TDRD3: variants seen among roughly 807,000 people sequenced by gnomAD.
The protein encoded by TDRD3 is tudor domain-containing protein 3.
A neutral mutation model predicts 86.7 loss-of-function variants in TDRD3; 45 were observed. The observed-to-expected ratio is 0.52, with a 90% CI of 0.41 to 0.67. TDRD3 has a LOEUF of 0.67. TDRD3 is among the 30% of genes least tolerant of loss of function. The probability of loss-of-function intolerance (pLI) is 0.00; values close to 1 mark genes in which losing one functional copy is unlikely to be tolerated. For synonymous variants in TDRD3, 298 were observed against 301.7 expected (o/e 0.99, Z 0.13); for missense variants, 814 against 889.0 (o/e 0.92, Z 1.07).
At chr13:60,567,308 A>T (rs536703777) in intron 12 of TDRD3, among the ~76,000 whole-genome samples, 1 of 152,164 alleles carries the variant, frequency 6.6e-6, no homozygotes, top group East Asian at 1.9e-4. Flanking sequence ...TTTTTCTATT[A>T]CCAAGGATCA....
rs1957671851 is a variant in TDRD3 at position 60,535,152 on chromosome 13, A to G, written c.2037A>G (p.Thr679=). The change falls in exon 12 of 14, where the codon ACA becomes ACG. Residue 679 remains threonine (T), a synonymous_variant. Transcript: ENST00000377881. ...EVEALHSSGM[T]AVVKFIDYGN... ...AAGCCCTCCATTCTTCGGGTATGAC[A>G]GCAGTTGTTAAATTCATTGACTACG... 6.2e-7 allele frequency: 1 copy of G among 1,613,994 alleles called. No homozygotes were observed. Among genetic ancestry groups the G allele is most frequent in the Non-Finnish European group, 8.5e-7 (1 of 1,179,916 alleles).
intron 1 of TDRD3, among the ~76,000 whole-genome samples, chr13:60,425,313 A>G (rs1954773995): frequency 6.6e-6 from 1 of 152,188 alleles, no homozygotes; most frequent in Non-Finnish European, 1.5e-5. Context: ...ACTATGATGT[A>G]TCACCTCACA....
chr13:60,490,875 T>G (rs1289533467), intron 7 of TDRD3, among the ~76,000 whole-genome samples: 1 of 152,108 alleles, frequency 6.6e-6, no homozygotes, highest in African/African-American at 2.4e-5. Flanking sequence ...CCCAGCACTT[T>G]GGGAGGCTGA....
rs1263593920 is a variant in TDRD3 at position 60,528,448 on chromosome 13, A to G, written c.1223A>G (p.Asn408Ser). Residue 408 changes from asparagine to serine, a missense_variant, in exon 11 of 14, where the codon AAT becomes AGT. By Grantham distance (46) the Asn-to-Ser change is conservative. Transcript: ENST00000377881. ...NTEQNGVKDNNHLRHPPRNDT... is the reference protein window; with the variant it reads ...NTEQNGVKDNSHLRHPPRNDT... ...GAGCAAAATGGAGTAAAAGATAATA[A>G]TCATCTGAGACATCCTCCTCGAAAT... The G allele has an allele frequency of 2.5e-6, 4 of 1,613,832 alleles. No homozygotes were observed. Among genetic ancestry groups the G allele is most frequent in the South Asian group, 1.1e-5 (1 of 91,070 alleles).
chr13:60,507,796 T>G (rs1025859665), intron 8 of TDRD3, among the ~76,000 whole-genome samples: 6 of 152,122 alleles, frequency 3.9e-5, no homozygotes, highest in Admixed American at 6.5e-5. Flanking sequence ...CAGAAAGAAA[T>G]AAAGAGTATT....
intron 4 of TDRD3, 191 bp downstream of exon 4, chr13:60,460,731 G>A (rs563011931): frequency 1.7e-4 from 82 of 485,630 alleles, no homozygotes; most frequent in African/African-American, 1.3e-3. Flanking sequence ...ATGGCCAGGC[G>A]TGGTGGCTCA....
At chr13:60,499,142 C>T (rs1220980280) in intron 8 of TDRD3, among the ~76,000 whole-genome samples, 1 of 152,200 alleles carries the variant, frequency 6.6e-6, no homozygotes, top group Non-Finnish European at 1.5e-5. Context: ...TATTGCATCC[C>T]TGGAGGGATT....
intron 11 of TDRD3, among the ~76,000 whole-genome samples, chr13:60,532,694 A>G (rs1346081999): frequency 6.6e-6 from 1 of 152,178 alleles, no homozygotes; most frequent in Non-Finnish European, 1.5e-5. Flanking sequence ...GAATTTGGGA[A>G]CTTCTGGAAA....
At chr13:60,398,039 T>C (rs1953987845) in intron 1 of TDRD3, among the ~76,000 whole-genome samples, 1 of 152,198 alleles carries the variant, frequency 6.6e-6, no homozygotes, top group Admixed American at 6.5e-5. Flanking sequence ...GGTAGAACTT[T>C]TCTTGAAAGG....
intron 7 of TDRD3, among the ~76,000 whole-genome samples, chr13:60,493,429 A>G (rs1416004200): frequency 6.6e-6 from 1 of 152,030 alleles, no homozygotes; most frequent in African/African-American, 2.4e-5. Context: ...TGGGAGGGCA[A>G]GGTGGATAGA....
chr13:60,464,499 A>G (rs1321939889), intron 4 of TDRD3, among the ~76,000 whole-genome samples: 2 of 152,140 alleles, frequency 1.3e-5, no homozygotes, highest in Non-Finnish European at 2.9e-5. Context: ...TATGGAATCA[A>G]CCTAAGTGTG....
Position 60,484,816 on chromosome 13 carries a change from A to G in TDRD3, c.567+970A>G, listed in dbSNP as rs181789992. 58 of 376,056 alleles carry G rather than the reference A, an allele frequency of 1.5e-4. 1 individual carries two copies. Among genetic ancestry groups the G allele is most frequent in the African/African-American group, 1.2e-3 (55 of 46,608 alleles). 23.3% of individuals were successfully genotyped at this position (376,056 alleles called of 1,614,324 possible). On this transcript the variant is annotated intron_variant, in intron 6 of 13. Coordinates refer to ENST00000377881, the MANE Select transcript of TDRD3 (RefSeq NM_001146070.2). ...CAGGGAAAACAGTGTAAACATTCTAATAACTTATATTTGAAAATAATAGTA... is the reference window on the plus strand; with the variant it reads ...CAGGGAAAACAGTGTAAACATTCTAGTAACTTATATTTGAAAATAATAGTA...
At chr13:60,541,180 T>TCTTTCTTTCTTTCTCTCTTTCTTTCTCTC (rs879523038) in intron 12 of TDRD3, among the ~76,000 whole-genome samples, 1 of 150,404 alleles carries the variant, frequency 6.6e-6, no homozygotes, top group Non-Finnish European at 1.5e-5. Flanking sequence ...TTTCTTTCTT[T>TCTTTCTTTCTTTCTCTCTTTCTTTCTCTC]TTTTGAGACG....
chr13:60,567,992 C>A (rs534531999), intron 13 of TDRD3, among the ~76,000 whole-genome samples: 4 of 152,064 alleles, frequency 2.6e-5, no homozygotes, highest in Admixed American at 6.5e-5. Context: ...CTGCCTTGGC[C>A]TCCCAAAGTG....
chr13:60,511,804 C>T (rs1275695062), intron 10 of TDRD3, among the ~76,000 whole-genome samples: 3 of 152,050 alleles, frequency 2.0e-5, no homozygotes, highest in African/African-American at 7.2e-5. Context: ...TAAAAGCTGC[C>T]TTCAGATTAT....
chr13:60,491,799 T>G (rs1416350731), intron 7 of TDRD3, among the ~76,000 whole-genome samples: 4 of 151,928 alleles, frequency 2.6e-5, no homozygotes, highest in South Asian at 4.2e-4. Context: ...ATTTCAGGTT[T>G]TTTTTTTTTT....
At chr13:60,481,289 T>G (rs917412660) in intron 5 of TDRD3, among the ~76,000 whole-genome samples, 1 of 152,090 alleles carries the variant, frequency 6.6e-6, no homozygotes, top group African/African-American at 2.4e-5. Flanking sequence ...TTTCATCACA[T>G]CTAGAAAATG....
intron 7 of TDRD3, among the ~76,000 whole-genome samples, chr13:60,491,131 A>AG (rs1265539005): frequency 2.0e-5 from 3 of 151,696 alleles, no homozygotes; most frequent in Admixed American, 6.6e-5. Flanking sequence ...AAAAAAAAAA[A>AG]AAGAAGAAGA....
intron 3 of TDRD3, among the ~76,000 whole-genome samples, chr13:60,459,810 G>A (rs780390540): frequency 1.3e-5 from 2 of 152,066 alleles, no homozygotes; most frequent in Admixed American, 6.6e-5. Flanking sequence ...TAGTAGAGAC[G>A]GGGATTCACC....
Sources: allele counts gnomAD v4.1 joint callset (sites outside exome capture counted in the v4.1 genomes callset), GRCh38; gene constraint gnomAD v4.1.1; transcripts MANE v1.5; gene names NCBI Gene and HGNC (gene_info 2026-07-23, HGNC 2026-07-21).